Variants in UTP6 observed in about 807,000 individuals in gnomAD.
The protein encoded by UTP6 is U3 small nucleolar RNA-associated protein 6 homolog.
A neutral mutation model predicts 96.5 loss-of-function variants in UTP6; 60 were observed. The ratio of observed to expected loss-of-function variants is 0.62; its 90% confidence interval spans 0.51 to 0.77. The LOEUF is 0.77. UTP6 is among the 30% of genes least tolerant of loss of function. The pLI, the probability that UTP6 is intolerant of heterozygous loss-of-function variation, is 0.00. For synonymous variants in UTP6, 215 were observed against 240.1 expected (o/e 0.90, Z 0.96); for missense variants, 637 against 706.5 (o/e 0.90, Z 1.12).
At chr17:31,885,629 A>T (rs990630764) in intron 9 of UTP6, among the ~76,000 whole-genome samples, 1 of 151,886 alleles carries the variant, frequency 6.6e-6, no homozygotes, top group African/African-American at 2.4e-5. Flanking sequence ...CTCTACTAAA[A>T]ATACAAAAAT....
intron 8 of UTP6, 118 bp downstream of exon 8, chr17:31,887,118 G>C: frequency 1.1e-6 from 1 of 885,644 alleles, no homozygotes; most frequent in Non-Finnish European, 1.7e-6. Flanking sequence ...CCGAGACTCC[G>C]TCTCAAAAAA....
intron 12 of UTP6, among the ~76,000 whole-genome samples, 182 bp downstream of exon 12, chr17:31,878,519 CT>C (rs1179724381): frequency 6.6e-6 from 1 of 152,194 alleles, no homozygotes; most frequent in Non-Finnish European, 1.5e-5. Flanking sequence ...ACGAGAGCCC[CT>C]CCTAACCTGG....
At chr17:31,874,009 G>A (rs533848461) in intron 14 of UTP6, 12 of 409,906 alleles carry the variant, frequency 2.9e-5, no homozygotes, top group African/African-American at 2.5e-4. Context: ...CCAGAACACA[G>A]CCAGCCTTCT....
At chr17:31,875,820 CAA>C (rs1012799437) in intron 13 of UTP6, among the ~76,000 whole-genome samples, 18 of 65,780 alleles carry the variant, frequency 2.7e-4, no homozygotes, top group Non-Finnish European at 3.1e-4. Flanking sequence ...AACTCTATCT[CAA>C]AAAAAAAAAA....
intron 10 of UTP6, among the ~76,000 whole-genome samples, chr17:31,881,501 T>G (rs11080173): frequency 6.6e-6 from 1 of 151,340 alleles, no homozygotes; most frequent in Admixed American, 6.6e-5. Flanking sequence ...ACTCTTGACC[T>G]CAAGTGATCC....
intron 7 of UTP6, chr17:31,887,540 G>C (rs1911222636): frequency 2.3e-6 from 1 of 437,000 alleles, no homozygotes; most frequent in Non-Finnish European, 4.1e-6. Flanking sequence ...TTTTTGTAGA[G>C]ACAGGATCTT....
intron 10 of UTP6, among the ~76,000 whole-genome samples, chr17:31,880,975 A>G (rs1910799136): frequency 6.6e-6 from 1 of 152,118 alleles, no homozygotes; most frequent in Admixed American, 6.6e-5. Flanking sequence ...CGGGAGTTCG[A>G]GACCAGCCTG....
chr17:31,866,361 C>T (rs1289042716), intron 17 of UTP6, among the ~76,000 whole-genome samples: 2 of 151,300 alleles, frequency 1.3e-5, no homozygotes, highest in Admixed American at 6.6e-5. Flanking sequence ...TTTGGGAGGC[C>T]AAGGCAGGCA....
At chr17:31,877,269 TACATTATTTGAA>T (rs1439261614) in intron 13 of UTP6, among the ~76,000 whole-genome samples, 1 of 152,162 alleles carries the variant, frequency 6.6e-6, no homozygotes, top group African/African-American at 2.4e-5. Flanking sequence ...TGCTTATACC[TACATTATTTGAA>T]AAAGAGAAAA....
At chr17:31,871,895 GA>G (rs892203104) in intron 16 of UTP6, among the ~76,000 whole-genome samples, 5 of 146,112 alleles carry the variant, frequency 3.4e-5, no homozygotes, top group African/African-American at 5.0e-5. Flanking sequence ...CTGTCTCAAA[GA>G]AAAAAAAAAT....
chr17:31,894,291 A>G (rs1341458513), intron 4 of UTP6, among the ~76,000 whole-genome samples: 2 of 151,464 alleles, frequency 1.3e-5, no homozygotes, highest in Non-Finnish European at 2.9e-5. Context: ...AAAAGAAAAA[A>G]AAAAAAATCA....
At chr17:31,888,655 A>G (rs1303943271) in intron 7 of UTP6, among the ~76,000 whole-genome samples, 1 of 152,174 alleles carries the variant, frequency 6.6e-6, no homozygotes, top group Non-Finnish European at 1.5e-5. Flanking sequence ...AGACCGGGCC[A>G]CTACACTCCA....
intron 1 of UTP6, among the ~76,000 whole-genome samples, chr17:31,900,738 T>C (rs991830280): frequency 6.6e-6 from 1 of 152,224 alleles, no homozygotes; most frequent in Non-Finnish European, 1.5e-5. Flanking sequence ...GACTTATTAC[T>C]ACGAAGGACT....
intron 16 of UTP6, among the ~76,000 whole-genome samples, chr17:31,872,903 G>A (rs778973275): frequency 9.9e-5 from 15 of 150,884 alleles, no homozygotes; most frequent in African/African-American, 2.4e-4. Context: ...AGGCTAAGGC[G>A]GGAGAATCAC....
chr17:31,874,716 G>T (rs1455473675), intron 14 of UTP6, among the ~76,000 whole-genome samples: 1 of 152,072 alleles, frequency 6.6e-6, no homozygotes, highest in Non-Finnish European at 1.5e-5. Flanking sequence ...CAGATCACTT[G>T]AGGCTAGGAG....
chr17:31,893,378 G>A (rs1345223171), intron 4 of UTP6, among the ~76,000 whole-genome samples: 6 of 144,686 alleles, frequency 4.1e-5, no homozygotes, highest in African/African-American at 7.8e-5. Flanking sequence ...GTGAGCTGCC[G>A]AGATTGTGTG....
chr17:31,892,536 T>C (rs1484575171), intron 5 of UTP6, among the ~76,000 whole-genome samples: 2 of 152,228 alleles, frequency 1.3e-5, no homozygotes, highest in Non-Finnish European at 2.9e-5. Flanking sequence ...GTCAACTGTA[T>C]TGAACAAACA....
At chr17:31,899,318 A>C (rs1390061289) in intron 2 of UTP6, among the ~76,000 whole-genome samples, 2 of 152,142 alleles carry the variant, frequency 1.3e-5, no homozygotes. Context: ...TGAAATTATT[A>C]ATTATTGGCC....
At chr17:31,900,272 A>C (rs1343969054) in intron 1 of UTP6, among the ~76,000 whole-genome samples, 1 of 152,194 alleles carries the variant, frequency 6.6e-6, no homozygotes, top group Non-Finnish European at 1.5e-5. Flanking sequence ...AAATACAATT[A>C]AGAACTTTAT....
Sources: allele counts gnomAD v4.1 joint callset (sites outside exome capture counted in the v4.1 genomes callset), GRCh38; gene constraint gnomAD v4.1.1; transcripts MANE v1.5; gene names NCBI Gene and HGNC (gene_info 2026-07-23, HGNC 2026-07-21).